HCN1: variants seen among roughly 807,000 people sequenced by gnomAD.
HCN1 encodes the protein potassium/sodium hyperpolarization-activated cyclic nucleotide-gated channel 1.
Under a neutral mutation model 78.9 loss-of-function variants are expected in HCN1, and 13 were observed. The ratio of observed to expected loss-of-function variants is 0.16; its 90% CI spans 0.11 to 0.26. HCN1 has a LOEUF of 0.26. HCN1 is among the 10% of genes least tolerant of loss of function. HCN1 has a pLI of 1.00. For synonymous variants in HCN1, 552 were observed against 455.5 expected (o/e 1.21, Z -2.70); for missense variants, 810 against 1,154.3 (o/e 0.70, Z 4.32).
intron 1 of HCN1, among the ~76,000 whole-genome samples, chr5:45,649,378 TA>T (rs925382110): frequency 8.0e-4 from 119 of 148,448 alleles, no homozygotes; most frequent in African/African-American, 2.2e-3. Context: ...TCCCCCACCA[TA>T]AAAAAAAAAT....
chr5:45,577,769 C>G (rs2111913887), intron 2 of HCN1, among the ~76,000 whole-genome samples: 1 of 152,062 alleles, frequency 6.6e-6, no homozygotes, highest in South Asian at 2.1e-4. Context: ...TTTTCTTATA[C>G]TTGAGGTTTT....
intron 5 of HCN1, among the ~76,000 whole-genome samples, chr5:45,338,846 C>T (rs1476533735): frequency 6.6e-6 from 1 of 152,120 alleles, no homozygotes; most frequent in Non-Finnish European, 1.5e-5. Context: ...TTTTTAGACT[C>T]AGTGTCATTT....
At chr5:45,613,902 G>C (rs1013985347) in intron 2 of HCN1, among the ~76,000 whole-genome samples, 1 of 152,116 alleles carries the variant, frequency 6.6e-6, no homozygotes, top group Admixed American at 6.6e-5. Context: ...GGGTATTGCA[G>C]ATAATCCGCA....
At chr5:45,655,803 A>G (rs952301000) in intron 1 of HCN1, among the ~76,000 whole-genome samples, 2 of 152,080 alleles carry the variant, frequency 1.3e-5, no homozygotes, top group South Asian at 2.1e-4. Flanking sequence ...TTCAAAAGGG[A>G]TTTCTGAATT....
chr5:45,531,049 AACACACATACAC>A (rs1363135543), intron 2 of HCN1, among the ~76,000 whole-genome samples: 2 of 150,328 alleles, frequency 1.3e-5, no homozygotes, highest in Non-Finnish European at 3.0e-5. Context: ...AAGAAATGCT[AACACACATACAC>A]ACACACACAC....
intron 2 of HCN1, chr5:45,643,497 C>G (rs1379789667): frequency 6.6e-6 from 1 of 152,088 alleles, no homozygotes; most frequent in Non-Finnish European, 1.5e-5. Context: ...ATTCGTTAGA[C>G]AATCTATAAA....
chr5:45,499,149 G>A (rs923926189), intron 2 of HCN1, among the ~76,000 whole-genome samples: 11 of 152,194 alleles, frequency 7.2e-5, no homozygotes, highest in Non-Finnish European at 1.3e-4. Flanking sequence ...ACCTAAGCAA[G>A]CCTGGGCAAT....
rs576440344 is a variant in HCN1, at chr5:45,375,726, T to G, written c.1230+20766A>C. On this transcript the variant is annotated intron_variant, in intron 4 of 7. Transcript: ENST00000303230. Reference sequence around the variant, plus strand: ...ATGATACATATTATATATAATATCATATTTTATGATATATCTTATATATAA... The same window carrying G: ...ATGATACATATTATATATAATATCAGATTTTATGATATATCTTATATATAA... Among the ~76,000 whole-genome samples the G allele has an allele frequency of 5.2e-3, 617 of 117,914 alleles. 11 individuals carry two copies. Among genetic ancestry groups the G allele is most frequent in the Non-Finnish European group, 7.2e-3 (441 of 61,044 alleles). 77.4% of individuals were successfully genotyped at this position (117,914 alleles called of 152,430 possible).
intron 2 of HCN1, among the ~76,000 whole-genome samples, chr5:45,521,459 C>T (rs1340358751): frequency 6.6e-6 from 1 of 151,948 alleles, no homozygotes; most frequent in African/African-American, 2.4e-5. Context: ...AAATCTGTTC[C>T]ATGCCTTTCT....
intron 4 of HCN1, among the ~76,000 whole-genome samples, chr5:45,373,284 A>G (rs1191038915): frequency 7.5e-5 from 9 of 119,982 alleles, no homozygotes; most frequent in African/African-American, 3.0e-4. Context: ...ATTTTATATT[A>G]TATATTATAT....
intron 4 of HCN1, among the ~76,000 whole-genome samples, chr5:45,385,243 ACCTAATATC>A (rs1233597908): frequency 6.6e-6 from 1 of 152,056 alleles, no homozygotes; most frequent in Non-Finnish European, 1.5e-5. Context: ...AAACATGGGG[ACCTAATATC>A]CCTTATTGCT....
intron 5 of HCN1, among the ~76,000 whole-genome samples, chr5:45,312,978 C>A (rs1467095151): frequency 1.3e-5 from 2 of 152,162 alleles, no homozygotes; most frequent in Non-Finnish European, 2.9e-5. Context: ...GAAACCTCTG[C>A]AGACTTAAAT....
At chr5:45,336,713 G>A (rs1746464028) in intron 5 of HCN1, among the ~76,000 whole-genome samples, 2 of 152,016 alleles carry the variant, frequency 1.3e-5, no homozygotes, top group Admixed American at 6.6e-5. Flanking sequence ...ATTTCTCACA[G>A]TTCTGGTTTG....
intron 2 of HCN1, among the ~76,000 whole-genome samples, chr5:45,547,918 T>C (rs1743261634): frequency 6.6e-6 from 1 of 152,012 alleles, no homozygotes; most frequent in Non-Finnish European, 1.5e-5. Flanking sequence ...AAATACACTA[T>C]TAATCACCTA....
intron 6 of HCN1, among the ~76,000 whole-genome samples, chr5:45,301,386 T>C (rs1745617495): frequency 6.6e-6 from 1 of 151,372 alleles, no homozygotes; most frequent in African/African-American, 2.4e-5. Context: ...GTAGTCATGA[T>C]AAAATGTAGT....
At chr5:45,367,238 G>T (rs2111999461) in intron 4 of HCN1, among the ~76,000 whole-genome samples, 1 of 151,204 alleles carries the variant, frequency 6.6e-6, no homozygotes, top group Admixed American at 6.6e-5. Flanking sequence ...GATTTCAAAA[G>T]AATTACACAC....
chr5:45,546,243 A>T (rs1743224504), intron 2 of HCN1, among the ~76,000 whole-genome samples: 1 of 151,664 alleles, frequency 6.6e-6, no homozygotes, highest in African/African-American at 2.4e-5. Flanking sequence ...TTAAATTTAG[A>T]CTCCAATTGG....
intron 2 of HCN1, among the ~76,000 whole-genome samples, chr5:45,522,566 G>C (rs984548262): frequency 6.6e-6 from 1 of 150,654 alleles, no homozygotes; most frequent in Non-Finnish European, 1.5e-5. Context: ...AAGATACTCT[G>C]ACTTAGTAGA....
chr5:45,420,542 T>C (rs1740206199), intron 3 of HCN1, among the ~76,000 whole-genome samples: 1 of 152,012 alleles, frequency 6.6e-6, no homozygotes, highest in Non-Finnish European at 1.5e-5. Context: ...TTCCGGAGAG[T>C]GATCGTGGCA....
Sources: gnomAD v4.1 joint callset for allele counts (sites outside exome capture counted in the v4.1 genomes callset) on GRCh38, gnomAD v4.1.1 for gene constraint, MANE v1.5 for transcripts, NCBI Gene and HGNC (gene_info 2026-07-23, HGNC 2026-07-21) for gene names.